Variants in MTMR1 observed in about 807,000 individuals in gnomAD.
MTMR1 encodes the protein myotubularin related protein 1.
In MTMR1, 17 loss-of-function variants were observed where a neutral mutation model predicts 51.6. The ratio of observed to expected loss-of-function variants is 0.33; its 90% confidence interval spans 0.23 to 0.49. The LOEUF is 0.49. Among genes scored for constraint, MTMR1 ranks in the 20% least tolerant of loss-of-function variants. The pLI is 0.99. For missense variants in MTMR1, 386 were observed against 526.9 expected (o/e 0.73, Z 2.62); for synonymous variants, 201 against 205.6 (o/e 0.98, Z 0.19).
intron 14 of MTMR1, among the ~76,000 whole-genome samples, chrX:150,753,358 G>C (rs1390245352): frequency 8.9e-6 from 1 of 112,170 alleles, no homozygotes; most frequent in African/African-American, 3.2e-5. Flanking sequence ...GAGTGGAATT[G>C]CCGGGTCATG....
intron 12 of MTMR1, among the ~76,000 whole-genome samples, chrX:150,741,814 C>A (rs1359773520): frequency 8.9e-6 from 1 of 112,206 alleles, no homozygotes. Context: ...TCCCTAGGTG[C>A]CTTAAATACT....
intron 4 of MTMR1, 84 bp downstream of exon 4, chrX:150,718,784 T>A: frequency 1.0e-6 from 1 of 976,147 alleles, no homozygotes; most frequent in Non-Finnish European, 1.4e-6. Context: ...ATGTATGTGC[T>A]GGAGATCCGC....
At chrX:150,698,601 C>CTAAGGCGG (rs1358614057) in intron 1 of MTMR1, among the ~76,000 whole-genome samples, 1 of 108,980 alleles carries the variant, frequency 9.2e-6, no homozygotes, top group Non-Finnish European at 1.9e-5. Context: ...CTTTGGGAGG[C>CTAAGGCGG]TAAGGCGGGT....
intron 13 of MTMR1, among the ~76,000 whole-genome samples, chrX:150,749,419 C>T (rs781825478): frequency 8.4e-4 from 95 of 112,474 alleles, no homozygotes; most frequent in Non-Finnish European, 1.7e-3. Flanking sequence ...TACAAGCATG[C>T]TGGGTAGTAC....
intron 4 of MTMR1, among the ~76,000 whole-genome samples, chrX:150,723,745 G>A (rs2041832597): frequency 1.8e-5 from 2 of 111,510 alleles, no homozygotes; most frequent in Admixed American, 9.5e-5. Context: ...TCACCTTCAA[G>A]TAGGCCCCAA....
intron 12 of MTMR1, among the ~76,000 whole-genome samples, chrX:150,738,965 G>A (rs2042352752): frequency 8.9e-6 from 1 of 112,272 alleles, no homozygotes; most frequent in Non-Finnish European, 1.9e-5. Flanking sequence ...GGTCTGTCTA[G>A]GCCATTGAGC....
At chrX:150,762,511 A>G (rs1156290724) in intron 15 of MTMR1, 54 bp from the exon 16 acceptor site, 3 of 1,196,153 alleles carry the variant, frequency 2.5e-6, no homozygotes, top group Non-Finnish European at 3.4e-6. Flanking sequence ...CCATGTGGAA[A>G]CGCTGTGGTA....
chrX:150,709,631 T>A (rs1298556048), intron 2 of MTMR1, among the ~76,000 whole-genome samples: 1 of 112,000 alleles, frequency 8.9e-6, no homozygotes, highest in Non-Finnish European at 1.9e-5. Context: ...GGGATCTGTG[T>A]GGCTTCTGGG....
intron 2 of MTMR1, among the ~76,000 whole-genome samples, chrX:150,705,345 A>G (rs911127989): frequency 1.8e-5 from 2 of 112,072 alleles, no homozygotes; most frequent in African/African-American, 6.5e-5. Flanking sequence ...TTGGCAAAAC[A>G]CATAAGCCTA....
chrX:150,730,460 T>C lies in MTMR1; in HGVS notation c.658-65T>C, dbSNP rs1557416947. 26 of 771,728 alleles carry C rather than the reference T, an allele frequency of 3.4e-5. No individual in the cohort carries two copies. In the Admixed American group the frequency reaches 4.5e-4, roughly 13 times the overall value. 63.6% of individuals were successfully genotyped at this position (771,728 alleles called of 1,213,427 possible). On this transcript the variant is annotated intron_variant, in intron 7 of 15. Coordinates refer to ENST00000445323, the MANE Select transcript of MTMR1 (RefSeq NM_001306144.3). ...TCAGCTCATATTAGAATGAAAAGCTTTAATATTGGGTATATGATATAAAAA... is the reference window on the plus strand; with the variant it reads ...TCAGCTCATATTAGAATGAAAAGCTCTAATATTGGGTATATGATATAAAAA...
intron 10 of MTMR1, chrX:150,735,733 G>A: frequency 3.2e-6 from 1 of 312,352 alleles, no homozygotes; most frequent in Non-Finnish European, 5.6e-6. Flanking sequence ...TACACATTGT[G>A]GAATGGCTAA....
chrX:150,700,376 T>G (rs995543632), intron 2 of MTMR1, among the ~76,000 whole-genome samples: 2 of 112,552 alleles, frequency 1.8e-5, no homozygotes, highest in Non-Finnish European at 3.7e-5. Flanking sequence ...TGCTGTCTCT[T>G]GCCTCATCCA....
At chrX:150,727,429 A>G in intron 5 of MTMR1, 120 bp downstream of exon 5, 1 of 573,310 alleles carries the variant, frequency 1.7e-6, no homozygotes, top group Non-Finnish European at 2.7e-6. Context: ...TTGGATTTTG[A>G]GATGCACACA....
intron 1 of MTMR1, among the ~76,000 whole-genome samples, chrX:150,696,904 G>C (rs782324268): frequency 9.0e-6 from 1 of 111,570 alleles, no homozygotes; most frequent in East Asian, 2.8e-4. Flanking sequence ...GGTGGAGGAA[G>C]GGGTCAACCT....
At chrX:150,696,905 G>GGGTCA (rs2040697604) in intron 1 of MTMR1, among the ~76,000 whole-genome samples, 1 of 111,435 alleles carries the variant, frequency 9.0e-6, no homozygotes, top group Admixed American at 9.5e-5. Context: ...GTGGAGGAAG[G>GGGTCA]GGTCAACCTT....
Position 150,764,191 on chromosome X carries a change from T to A in MTMR1, c.*1462T>A, listed in dbSNP as rs1396945647. ...GGATTCCAGGCAAAGGCCTACAGAT[T>A]GACCTTATTATTTTTGAAAATATGT... is the stretch of plus-strand genomic sequence containing the variant. On this transcript the variant is annotated 3_prime_UTR_variant, in exon 16 of 16. Transcript: ENST00000445323. The A allele has an allele frequency of 8.9e-6, 1 of 112,902 alleles. No homozygotes were observed. Among genetic ancestry groups the A allele is most frequent in the Non-Finnish European group, 1.9e-5 (1 of 53,403 alleles). The allele number at this position is 112,902 out of a possible 1,213,427, so 9.3% of individuals were successfully genotyped here.
intron 10 of MTMR1, among the ~76,000 whole-genome samples, chrX:150,733,397 T>C (rs1557417068): frequency 2.7e-5 from 3 of 111,446 alleles, no homozygotes; most frequent in Non-Finnish European, 5.6e-5. Context: ...TTAAACACTG[T>C]CTGTATGCTG....
intron 12 of MTMR1, among the ~76,000 whole-genome samples, chrX:150,741,078 A>G (rs1557417303): frequency 8.9e-6 from 1 of 111,961 alleles, no homozygotes. Context: ...CCTTTCTGCA[A>G]CCTAGCTCTG....
At chrX:150,737,206 A>G (rs370248316) in intron 11 of MTMR1, 36 bp from the exon 12 acceptor site, 44 of 1,135,955 alleles carry the variant, frequency 3.9e-5, no homozygotes, top group African/African-American at 2.2e-4. Context: ...TTGAAATTCA[A>G]TGTAGCCTGG....
Sources: allele counts gnomAD v4.1 joint callset (sites outside exome capture counted in the v4.1 genomes callset), GRCh38; gene constraint gnomAD v4.1.1; transcripts MANE v1.5; gene names NCBI Gene and HGNC (gene_info 2026-07-23, HGNC 2026-07-21).